The following MCM9 variants were observed in gnomAD, a reference collection of about 807,000 sequenced individuals.
The protein encoded by MCM9 is DNA helicase MCM9.
A neutral mutation model predicts 72.8 loss-of-function variants in MCM9; 55 were observed. The observed-to-expected ratio is 0.76, with a 90% CI of 0.61 to 0.95. MCM9 has a LOEUF of 0.95. Ranked by LOEUF, MCM9 falls within the 40% of genes least tolerant of loss-of-function variation. The probability of loss-of-function intolerance (pLI) is 0.00; values close to 1 mark genes in which losing one functional copy is unlikely to be tolerated. For synonymous variants in MCM9, 480 were observed against 503.4 expected (o/e 0.95, Z 0.62); for missense variants, 1,279 against 1,377.0 (o/e 0.93, Z 1.13).
At chr6:118,855,538 C>T (rs1475142925) in intron 9 of MCM9, among the ~76,000 whole-genome samples, 3 of 152,078 alleles carry the variant, frequency 2.0e-5, no homozygotes, top group Non-Finnish European at 2.9e-5. Flanking sequence ...TACCTCACTC[C>T]TCCATTAATT....
intron 10 of MCM9, 26 bp from the exon 11 acceptor site, chr6:118,828,156 T>G: frequency 6.5e-7 from 1 of 1,527,856 alleles, no homozygotes. Context: ...GTTGGGTCAG[T>G]AAGTTCTTAG....
intron 6 of MCM9, among the ~76,000 whole-genome samples, chr6:118,916,170 T>C (rs9489540): frequency 0.058 from 8,720 of 150,714 alleles, 367 homozygotes; most frequent in East Asian, 0.19. Context: ...CTGGGAAACA[T>C]AGCATAGTGA....
intron 8 of MCM9, chr6:118,911,063 C>G: frequency 1.0e-6 from 1 of 983,854 alleles, no homozygotes. Context: ...TAATTTTTTT[C>G]TAAATTCCCT....
chr6:118,869,870 C>T (rs999142801), intron 8 of MCM9, among the ~76,000 whole-genome samples: 4 of 151,942 alleles, frequency 2.6e-5, no homozygotes, highest in Admixed American at 2.6e-4. Flanking sequence ...TCAGACAAAA[C>T]AGACTTTAAG....
At chr6:118,900,617 A>T in intron 8 of MCM9, 1 of 627,564 alleles carries the variant, frequency 1.6e-6, no homozygotes, top group Non-Finnish European at 2.9e-6. Context: ...TAGGAACTTT[A>T]TAAGGAGCAT....
chr6:118,921,750 T>G (rs1050965074), intron 5 of MCM9: 1 of 306,706 alleles, frequency 3.3e-6, no homozygotes, highest in Admixed American at 5.1e-5. Context: ...TTATGCCACT[T>G]AACTCTCTAA....
At chr6:118,900,931 C>T in intron 8 of MCM9, 1 of 1,227,912 alleles carries the variant, frequency 8.1e-7, no homozygotes, top group Non-Finnish European at 1.2e-6. Flanking sequence ...TCGAAGTAGA[C>T]TATATTATCT....
chr6:118,822,315 C>A (rs1010554336), intron 13 of MCM9, among the ~76,000 whole-genome samples: 2 of 152,054 alleles, frequency 1.3e-5, no homozygotes, highest in Non-Finnish European at 2.9e-5. Flanking sequence ...TGTGGGGGCC[C>A]TTTTTGTTGA....
In MCM9 at chr6:118,819,986, A is replaced by C. The variant is rs148375836; in HGVS notation, c.1962-3692T>G. Reference sequence around the variant, plus strand: ...GTGGTATCCCCTTTATCATTTTTTTATTGTGTCTATTTGATTCTTCTCTCT... The same window carrying C: ...GTGGTATCCCCTTTATCATTTTTTTCTTGTGTCTATTTGATTCTTCTCTCT... On this transcript the variant is annotated intron_variant, in intron 13 of 13. Transcript: ENST00000619706. Among the ~76,000 whole-genome samples, 1,211 of 151,060 alleles carry C rather than the reference A, an allele frequency of 8.0e-3. 7 individuals are homozygous for C. The highest frequency in any genetic ancestry group is 0.013 in the Non-Finnish European group (905 of 67,816).
intron 13 of MCM9, among the ~76,000 whole-genome samples, chr6:118,824,097 G>A (rs1435177115): frequency 7.7e-6 from 1 of 130,072 alleles, no homozygotes; most frequent in African/African-American, 3.0e-5. Flanking sequence ...TGTCACCCAG[G>A]CTGGAGTGCA....
intron 9 of MCM9, among the ~76,000 whole-genome samples, chr6:118,835,558 T>C (rs1774898656): frequency 6.6e-6 from 1 of 152,226 alleles, no homozygotes; most frequent in Non-Finnish European, 1.5e-5. Flanking sequence ...CTTGAAGAGA[T>C]GTTTCACATC....
chr6:118,861,953 G>A (rs1022878030), intron 8 of MCM9, among the ~76,000 whole-genome samples: 2 of 152,204 alleles, frequency 1.3e-5, no homozygotes, highest in Non-Finnish European at 2.9e-5. Flanking sequence ...AGGGAGGCCT[G>A]TAGGCCCATG....
intron 8 of MCM9, chr6:118,910,894 T>G (rs915026031): frequency 1.0e-6 from 1 of 985,326 alleles, no homozygotes; most frequent in East Asian, 1.1e-4. Flanking sequence ...ATTAGAAATT[T>G]GAGCATTCAT....
chr6:118,910,968 C>T (rs1780502591), intron 8 of MCM9: 1 of 985,274 alleles, frequency 1.0e-6, no homozygotes, highest in Middle Eastern at 5.2e-4. Context: ...ATGTGTGAAG[C>T]CAAGGGTCTG....
intron 8 of MCM9, among the ~76,000 whole-genome samples, chr6:118,881,409 T>C (rs141380168): frequency 7.9e-5 from 12 of 152,300 alleles, no homozygotes; most frequent in African/African-American, 2.4e-4. Flanking sequence ...GCACTCATCT[T>C]CCTGTTGACT....
intron 8 of MCM9, among the ~76,000 whole-genome samples, chr6:118,890,556 A>G (rs1778876518): frequency 6.6e-6 from 1 of 152,230 alleles, no homozygotes; most frequent in African/African-American, 2.4e-5. Flanking sequence ...CTACTGAACC[A>G]TAAGGTCTTT....
chr6:118,890,144 T>G (rs1778852826), intron 8 of MCM9, among the ~76,000 whole-genome samples: 1 of 152,184 alleles, frequency 6.6e-6, no homozygotes, highest in Non-Finnish European at 1.5e-5. Flanking sequence ...AGTATACACC[T>G]GGACCAACCT....
chr6:118,843,419 G>C (rs1042209243), intron 9 of MCM9, among the ~76,000 whole-genome samples: 1 of 150,930 alleles, frequency 6.6e-6, no homozygotes. Flanking sequence ...ATCTGAGGTC[G>C]GGAGTTCGAG....
chr6:118,887,239 C>G (rs773050027), intron 8 of MCM9, among the ~76,000 whole-genome samples: 2 of 152,066 alleles, frequency 1.3e-5, no homozygotes, highest in Non-Finnish European at 2.9e-5. Context: ...TCAAAACATA[C>G]TACACAAACC....
Sources: allele counts gnomAD v4.1 joint callset (sites outside exome capture counted in the v4.1 genomes callset), GRCh38; gene constraint gnomAD v4.1.1; transcripts MANE v1.5; gene names NCBI Gene and HGNC (gene_info 2026-07-23, HGNC 2026-07-21).